The following ARMC2 variants were observed in gnomAD, a reference collection of about 807,000 sequenced individuals.
ARMC2 encodes the protein armadillo repeat-containing protein 2.
ARMC2 carries 67 observed loss-of-function variants against 90.3 expected under a neutral mutation model. That is an observed-to-expected ratio of 0.74 (90% CI 0.61 to 0.91). ARMC2 has a LOEUF of 0.91. ARMC2 is among the 40% of genes least tolerant of loss of function. The pLI is 0.00. For synonymous variants in ARMC2, 393 were observed against 393.0 expected (o/e 1.00, Z 0.00); for missense variants, 920 against 1,030.9 (o/e 0.89, Z 1.47).
rs145192119 is a variant in ARMC2 at position 108,964,357 on chromosome 6, G to T, written c.2285+45G>T. Reference sequence around the variant, plus strand: ...GTACTGACTCTCTCAGGATTTGAAGGACATCATTTTCTTGGGAGCTTTGGC... The same window carrying T: ...GTACTGACTCTCTCAGGATTTGAAGTACATCATTTTCTTGGGAGCTTTGGC... On this transcript the variant is annotated intron_variant, in intron 16 of 17. Coordinates refer to ENST00000392644, the MANE Select transcript of ARMC2 (RefSeq NM_032131.6). 4.2e-5 allele frequency: 66 copies of T among 1,590,322 alleles called. No homozygotes were observed. The Middle Eastern group carries it at 5.1e-4, about 12-fold the overall frequency.
rs1315559823 is a variant in ARMC2 at position 108,937,090 on chromosome 6, A to T, written c.1596+91A>T. 4.4e-6 allele frequency: 5 copies of T among 1,126,340 alleles called. No homozygotes were observed. In the South Asian group the frequency reaches 7.7e-5, roughly 17 times the overall value. The allele number at this position is 1,126,340 out of a possible 1,614,324, so 69.8% of individuals were successfully genotyped here. On this transcript the variant is annotated intron_variant, in intron 12 of 17. Coordinates refer to ENST00000392644, the MANE Select transcript of ARMC2 (RefSeq NM_032131.6). ...TTAAATGTCTTTATGTTTTGAGTAT[A>T]TAGGTTTCTATAAGAAACTTCCATT...
intron 5 of ARMC2, among the ~76,000 whole-genome samples, chr6:108,880,537 G>C (rs190559264): frequency 1.8e-3 from 281 of 152,240 alleles, no homozygotes; most frequent in African/African-American, 6.5e-3. Flanking sequence ...AGAGGGAAGT[G>C]GTACATAAAC....
chr6:108,979,177 A>C (rs1779039629), downstream of ARMC2, among the ~76,000 whole-genome samples: 1 of 152,060 alleles, frequency 6.6e-6, no homozygotes, highest in Admixed American at 6.5e-5. Flanking sequence ...AGTTCTTGTA[A>C]GGGAGGCCTG....
chr6:108,955,507 C>T (rs1390059938), intron 13 of ARMC2, among the ~76,000 whole-genome samples: 1 of 152,164 alleles, frequency 6.6e-6, no homozygotes, highest in Non-Finnish European at 1.5e-5. Flanking sequence ...GTGACTTTCA[C>T]AGGTCACAAA....
At chr6:108,965,443 G>A (rs192803424) in intron 17 of ARMC2, among the ~76,000 whole-genome samples, 1 of 131,580 alleles carries the variant, frequency 7.6e-6, no homozygotes, top group Admixed American at 9.1e-5. Context: ...TACTTCTGTT[G>A]TTCAAAAGCA....
chr6:109,049,439 G>GA, the ARMC2 span, among the ~76,000 whole-genome samples: 2 of 152,048 alleles, frequency 1.3e-5, no homozygotes, highest in Admixed American at 1.3e-4. Context: ...ATTATAGCTA[G>GA]ATAAGCAGAA....
At chr6:108,995,843 TC>T in the ARMC2 span, among the ~76,000 whole-genome samples, 1 of 152,090 alleles carries the variant, frequency 6.6e-6, no homozygotes, top group South Asian at 2.1e-4. Context: ...AATTAATGTT[TC>T]CCCCCTTATA....
intron 5 of ARMC2, among the ~76,000 whole-genome samples, chr6:108,881,316 TCAC>T: frequency 9.3e-6 from 1 of 107,046 alleles, no homozygotes; most frequent in African/African-American, 3.4e-5. Context: ...CTTCCTTCCT[TCAC>T]TCCTTCCTTC....
At chr6:108,992,996 T>C in the ARMC2 span, 4 of 725,500 alleles carry the variant, frequency 5.5e-6, no homozygotes, top group South Asian at 5.0e-5. Flanking sequence ...CTTTCTCTGA[T>C]ACTGAGTGAC....
chr6:108,910,771 A>G (rs1242364514), intron 8 of ARMC2, 128 bp from the exon 9 acceptor site: 3 of 440,086 alleles, frequency 6.8e-6, no homozygotes, highest in South Asian at 7.3e-5. Context: ...TTCAAAGTTG[A>G]TTTCTTTAGA....
chr6:108,879,417 A>G (rs1031314277), intron 5 of ARMC2, among the ~76,000 whole-genome samples: 2 of 150,406 alleles, frequency 1.3e-5, no homozygotes, highest in Non-Finnish European at 3.0e-5. Context: ...CTACCCATTC[A>G]TCCACCCATC....
chr6:108,899,496 A>C (rs909704869), intron 6 of ARMC2, among the ~76,000 whole-genome samples, 198 bp from the exon 7 acceptor site: 2 of 152,180 alleles, frequency 1.3e-5, no homozygotes, highest in Non-Finnish European at 2.9e-5. Context: ...TTTTTACATT[A>C]TCCAGTCTGA....
chr6:108,911,707 G>T (rs1177638659), intron 9 of ARMC2, among the ~76,000 whole-genome samples: 1 of 152,122 alleles, frequency 6.6e-6, no homozygotes, highest in Non-Finnish European at 1.5e-5. Flanking sequence ...ATTAAGAATT[G>T]TCGACTGAAA....
At chr6:109,043,899 A>C in the ARMC2 span, among the ~76,000 whole-genome samples, 2 of 152,242 alleles carry the variant, frequency 1.3e-5, no homozygotes, top group Non-Finnish European at 2.9e-5. Context: ...TGTTTTCATG[A>C]CTTATTATAA....
At chr6:109,002,131 A>T in the ARMC2 span, 3 of 626,692 alleles carry the variant, frequency 4.8e-6, no homozygotes, top group Non-Finnish European at 5.7e-6. Context: ...TTATTCCCAC[A>T]GATTCACTGC....
At chr6:108,872,374 C>T (rs1776506005) in intron 4 of ARMC2, among the ~76,000 whole-genome samples, 1 of 152,206 alleles carries the variant, frequency 6.6e-6, no homozygotes, top group Non-Finnish European at 1.5e-5. Flanking sequence ...GTACCACCTC[C>T]TCAGCCATCC....
In ARMC2 at chr6:108,936,890, A is replaced by AT. The variant is rs762419533; in HGVS notation, c.1497-7dup. On this transcript the variant is annotated splice_polypyrimidine_tract_variant and intron_variant, in intron 11 of 17. Transcript: ENST00000392644. The stretch of plus-strand genomic sequence containing the variant: ...GTTTACCTTTATTTTCCCATTTGGC[A>AT]TTTCTGCAGCAAACTTACTTCTTAC... The AT allele has an allele frequency of 6.8e-5, 108 of 1,579,624 alleles. No homozygotes were observed. The highest frequency in any genetic ancestry group is 9.0e-5 in the Non-Finnish European group (105 of 1,160,808).
chr6:108,904,101 T>G, intron 7 of ARMC2, 129 bp from the exon 8 acceptor site: 1 of 1,085,984 alleles, frequency 9.2e-7, no homozygotes, highest in Non-Finnish European at 1.3e-6. Flanking sequence ...AAGAAAAAAA[T>G]AGAGGTCAGG....
At chr6:108,937,143 C>A in intron 12 of ARMC2, 144 bp downstream of exon 12, 2 of 651,200 alleles carry the variant, frequency 3.1e-6, no homozygotes, top group Non-Finnish European at 2.5e-6. Context: ...TCCTGGGAAG[C>A]AGTAAGTTAC....
Sources: allele counts gnomAD v4.1 joint callset (sites outside exome capture counted in the v4.1 genomes callset), GRCh38; gene constraint gnomAD v4.1.1; transcripts MANE v1.5; gene names NCBI Gene and HGNC (gene_info 2026-07-23, HGNC 2026-07-21).